Variants in BLM observed in about 807,000 individuals in gnomAD.
BLM encodes recQ-like DNA helicase BLM.
In BLM, 95 loss-of-function variants were observed where a neutral mutation model predicts 135.3. The ratio of observed to expected loss-of-function variants is 0.70; its 90% confidence interval spans 0.59 to 0.83. BLM has a LOEUF of 0.83. Ranked by LOEUF, BLM falls within the 40% of genes least tolerant of loss-of-function variation. BLM has a pLI of 0.00. For missense variants in BLM, 1,518 were observed against 1,663.9 expected (o/e 0.91, Z 1.53); for synonymous variants, 520 against 589.2 (o/e 0.88, Z 1.70).
At chr15:90,795,581 T>G (rs1240196380) in intron 16 of BLM, among the ~76,000 whole-genome samples, 1 of 152,160 alleles carries the variant, frequency 6.6e-6, no homozygotes, top group African/African-American at 2.4e-5. Flanking sequence ...GGCAAATTCA[T>G]GCCATCTCCT....
chr15:90,734,675 GCACACA>G (rs34292947), intron 1 of BLM, among the ~76,000 whole-genome samples: 5 of 134,186 alleles, frequency 3.7e-5, no homozygotes, highest in East Asian at 4.5e-4. Flanking sequence ...GCGCACGCAC[GCACACA>G]CACACACACA....
intron 8 of BLM, among the ~76,000 whole-genome samples, chr15:90,763,872 C>A (rs754760412): frequency 2.8e-4 from 43 of 152,182 alleles, no homozygotes; most frequent in Non-Finnish European, 5.7e-4. Context: ...TTTGCAGTTT[C>A]AGTACCTATG....
intron 1 of BLM, among the ~76,000 whole-genome samples, chr15:90,740,450 G>A (rs766087069): frequency 5.9e-5 from 9 of 152,128 alleles, no homozygotes; most frequent in Non-Finnish European, 1.2e-4. Context: ...TTTGTTGAAT[G>A]GATATACACA....
intron 1 of BLM, among the ~76,000 whole-genome samples, chr15:90,729,585 T>C (rs1299090005): frequency 6.6e-6 from 1 of 152,228 alleles, no homozygotes. Flanking sequence ...GTCTGTCATC[T>C]TATTTCCTCT....
rs753595604 is a variant in BLM, at chr15:90,749,319, GT to G, written c.99-45del. On this transcript the variant is annotated intron_variant, in intron 2 of 21. Transcript: ENST00000355112. ...AAAATTAGTTTTGTAGAGTTGGGGGGTTTCTTAAAATGGATCCATCTAATCT... is the reference window on the plus strand; with the variant it reads ...AAAATTAGTTTTGTAGAGTTGGGGGGTTCTTAAAATGGATCCATCTAATCT... The G allele has an allele frequency of 2.3e-5, 33 of 1,426,186 alleles. No individual in the cohort carries two copies. In the African/African-American group the frequency reaches 4.7e-4, roughly 20 times the overall value. The allele number at this position is 1,426,186 out of a possible 1,614,324, so 88.3% of individuals were successfully genotyped here. A position where few individuals can be genotyped will look rare whatever the true frequency, so the allele number is the denominator to read the frequency against.
intron 12 of BLM, among the ~76,000 whole-genome samples, chr15:90,779,184 CTA>C (rs896613807): frequency 2.6e-5 from 4 of 152,116 alleles, no homozygotes; most frequent in African/African-American, 9.7e-5. Context: ...CGTGCCCAGC[CTA>C]TGTTTAACGT....
At chr15:90,779,304 TG>T (rs1896561237) in intron 12 of BLM, among the ~76,000 whole-genome samples, 1 of 146,868 alleles carries the variant, frequency 6.8e-6, no homozygotes, top group Non-Finnish European at 1.5e-5. Context: ...CACTTGTTTT[TG>T]TCTCTCTTTT....
chr15:90,730,109 C>T (rs974836935), intron 1 of BLM, among the ~76,000 whole-genome samples: 1 of 152,150 alleles, frequency 6.6e-6, no homozygotes, highest in Non-Finnish European at 1.5e-5. Context: ...CCACCTCGGC[C>T]TCCCAAAGTG....
chr15:90,786,594 G>A (rs115444139), intron 14 of BLM, among the ~76,000 whole-genome samples: 1 of 151,372 alleles, frequency 6.6e-6, no homozygotes, highest in African/African-American at 2.4e-5. Context: ...CTCTTTGTGG[G>A]TTTTTTTTTA....
chr15:90,803,608 TGATA>T lies in BLM; in HGVS notation c.3447_3450del (p.Ile1150LeufsTer21). 6.2e-7 allele frequency: 1 copy of T among 1,614,126 alleles called. No homozygotes were observed. Among genetic ancestry groups the T allele is most frequent in the Admixed American group, 1.7e-5 (1 of 60,022 alleles). ...AATGCCGAAAGACTTTTTAAAAAGCTGATACTTGACAAGATTTTGGATGAAGACT... is the reference window on the plus strand; with the variant it reads ...AATGCCGAAAGACTTTTTAAAAAGCTCTTGACAAGATTTTGGATGAAGACT... On this transcript the variant is annotated frameshift_variant, in exon 18 of 22. Transcript: ENST00000355112. LOFTEE classifies it high-confidence loss of function.
At chr15:90,779,128 G>A (rs58601563) in intron 12 of BLM, among the ~76,000 whole-genome samples, 12,614 of 151,946 alleles carry the variant, frequency 0.083, 861 homozygotes, top group African/African-American at 0.19. Flanking sequence ...CTCATGATCC[G>A]CCCAACTCAG....
chr15:90,772,134 G>A (rs1325421603), intron 12 of BLM, among the ~76,000 whole-genome samples: 1 of 152,184 alleles, frequency 6.6e-6, no homozygotes, highest in Non-Finnish European at 1.5e-5. Flanking sequence ...TACTTTCTGG[G>A]ACTCTGTTTC....
chr15:90,767,704 T>C (rs968288201), intron 10 of BLM, among the ~76,000 whole-genome samples: 21 of 152,206 alleles, frequency 1.4e-4, no homozygotes, highest in African/African-American at 4.8e-4. Flanking sequence ...TAGTGTCTGA[T>C]AGACTTCTCC....
intron 15 of BLM, 96 bp from the exon 16 acceptor site, chr15:90,794,071 A>G: frequency 1.2e-6 from 1 of 840,220 alleles, no homozygotes; most frequent in Non-Finnish European, 1.8e-6. Flanking sequence ...TTCTTATTTA[A>G]TATTTAAAGT....
chr15:90,813,150 T>C (rs17183237), intron 21 of BLM, among the ~76,000 whole-genome samples: 25,493 of 152,160 alleles, frequency 0.17, 2,204 homozygotes, highest in Non-Finnish European at 0.19. Flanking sequence ...GCACGTTCAC[T>C]TCTGCATGTT....
Position 90,751,036 on chromosome 15 carries a change from T to C in BLM, c.800-751T>C, listed in dbSNP as rs772809385. ...GGCTTGTTGCCACCTAATATTGATGTATAATGTGCTCTAATTGCACTATTA... is the reference window on the plus strand; with the variant it reads ...GGCTTGTTGCCACCTAATATTGATGCATAATGTGCTCTAATTGCACTATTA... On this transcript the variant is annotated intron_variant, in intron 3 of 21. Transcript: ENST00000355112. 2.0e-5 allele frequency among the ~76,000 whole-genome samples: 3 copies of C among 152,356 alleles called. No homozygotes were observed. The South Asian group carries it at 6.2e-4, about 32-fold the overall frequency.
Position 90,811,259 on chromosome 15 carries a change from G to A in BLM, c.3929G>A (p.Ser1310Asn). The A allele has an allele frequency of 1.2e-6, 2 of 1,614,158 alleles. No homozygotes were observed. The highest frequency in any genetic ancestry group is 1.3e-5 in the African/African-American group (1 of 75,050). ...SLSSSRGPGR[S>N]AAEELDEEIP... ...TCCAGCAGCAGAGGCCCCGGAAGAA[G>A]TGCCGCTGAGGAGCTCGACGAGGAA... Residue 1310 changes from serine (S) to asparagine (N), a missense_variant, in exon 21 of 22, where the codon AGT becomes AAT. Physicochemically the swap from Ser to Asn is conservative, Grantham distance 46. Transcript: ENST00000355112.
chr15:90,750,192 C>T, intron 3 of BLM, 125 bp downstream of exon 3: 1 of 1,050,530 alleles, frequency 9.5e-7, no homozygotes, highest in Admixed American at 2.1e-5. Context: ...TTTAGTGGTG[C>T]TTTTTGAATA....
chr15:90,763,458 A>G (rs1209504641), intron 8 of BLM, among the ~76,000 whole-genome samples: 5 of 152,268 alleles, frequency 3.3e-5, no homozygotes, highest in African/African-American at 1.2e-4. Context: ...CAAACAGAAA[A>G]ATCGCTGTCA....
Sources: gnomAD v4.1 joint callset for allele counts (sites outside exome capture counted in the v4.1 genomes callset) on GRCh38, gnomAD v4.1.1 for gene constraint, MANE v1.5 for transcripts, NCBI Gene and HGNC (gene_info 2026-07-23, HGNC 2026-07-21) for gene names.